The following WDFY2 variants were observed in gnomAD, a reference collection of about 807,000 sequenced individuals.
The protein encoded by WDFY2 is WD repeat and FYVE domain-containing protein 2.
In WDFY2, 36 loss-of-function variants were observed where a neutral mutation model predicts 56.4. That is an observed-to-expected ratio of 0.64 (90% confidence interval 0.49 to 0.84). WDFY2 has a LOEUF of 0.84. WDFY2 is among the 40% of genes least tolerant of loss of function. WDFY2 has a pLI of 0.00. For synonymous variants in WDFY2, 176 were observed against 183.7 expected (o/e 0.96, Z 0.34); for missense variants, 444 against 512.2 (o/e 0.87, Z 1.29).
At chr13:51,598,157 C>T (rs934890733) in intron 1 of WDFY2, among the ~76,000 whole-genome samples, 9 of 152,006 alleles carry the variant, frequency 5.9e-5, no homozygotes, top group South Asian at 2.1e-4. Flanking sequence ...TTCAGGAGTT[C>T]GAGACCAGCC....
chr13:51,727,226 T>G (rs1952622884), intron 5 of WDFY2, among the ~76,000 whole-genome samples: 1 of 152,332 alleles, frequency 6.6e-6, no homozygotes, highest in South Asian at 2.1e-4. Flanking sequence ...TTCTCGACTT[T>G]GTATTCTGTT....
chr13:51,686,123 A>C (rs572009534), intron 3 of WDFY2, among the ~76,000 whole-genome samples: 1 of 152,302 alleles, frequency 6.6e-6, no homozygotes, highest in African/African-American at 2.4e-5. Flanking sequence ...TTCATATAGC[A>C]AGGACAGATG....
intron 1 of WDFY2, among the ~76,000 whole-genome samples, chr13:51,644,821 A>T (rs1380872798): frequency 6.6e-6 from 1 of 152,208 alleles, no homozygotes; most frequent in Non-Finnish European, 1.5e-5. Flanking sequence ...CAGAGGCTGG[A>T]CAATACTGGA....
At chr13:51,620,596 A>T (rs1954706700) in intron 1 of WDFY2, among the ~76,000 whole-genome samples, 1 of 151,610 alleles carries the variant, frequency 6.6e-6, no homozygotes, top group Non-Finnish European at 1.5e-5. Flanking sequence ...GCACCTGCTC[A>T]CTCCCATCCA....
At chr13:51,680,943 G>A (rs960448832) in intron 3 of WDFY2, among the ~76,000 whole-genome samples, 3 of 152,152 alleles carry the variant, frequency 2.0e-5, no homozygotes, top group African/African-American at 7.2e-5. Flanking sequence ...AATTAGGAAG[G>A]AGCTTGTGTT....
intron 1 of WDFY2, among the ~76,000 whole-genome samples, chr13:51,628,723 G>A (rs1369786055): frequency 6.6e-6 from 1 of 152,230 alleles, no homozygotes; most frequent in Non-Finnish European, 1.5e-5. Flanking sequence ...CATCACAGAT[G>A]CCAGTTAGTT....
intron 1 of WDFY2, among the ~76,000 whole-genome samples, chr13:51,630,462 C>CT (rs1954930544): frequency 2.0e-5 from 3 of 148,146 alleles, no homozygotes; most frequent in African/African-American, 4.9e-5. Flanking sequence ...AGTTCCCTTT[C>CT]TTTCTTTTTT....
At chr13:51,758,470 G>T (rs1366289775) in intron 11 of WDFY2, among the ~76,000 whole-genome samples, 170 bp downstream of exon 11, 1 of 151,018 alleles carries the variant, frequency 6.6e-6, no homozygotes, top group Non-Finnish European at 1.5e-5. Context: ...AGGATTGCTT[G>T]AGTCCAGGAG....
intron 3 of WDFY2, among the ~76,000 whole-genome samples, chr13:51,690,317 G>T (rs1956131298): frequency 6.7e-6 from 1 of 150,288 alleles, no homozygotes; most frequent in Non-Finnish European, 1.5e-5. Flanking sequence ...CTAGCATTGG[G>T]TATATCTCCC....
At chr13:51,733,961 G>C (rs1952779347) in intron 6 of WDFY2, among the ~76,000 whole-genome samples, 1 of 152,196 alleles carries the variant, frequency 6.6e-6, no homozygotes, top group Admixed American at 6.5e-5. Flanking sequence ...TCTAGAGATG[G>C]AGGGCCTTTA....
intron 1 of WDFY2, among the ~76,000 whole-genome samples, chr13:51,624,469 A>ATGTGC (rs1300091735): frequency 1.3e-5 from 2 of 152,198 alleles, no homozygotes; most frequent in African/African-American, 4.8e-5. Context: ...CCATGTGTTC[A>ATGTGC]ACAACTGTTA....
At chr13:51,729,628 T>C (rs1342556171) in intron 6 of WDFY2, among the ~76,000 whole-genome samples, 1 of 152,008 alleles carries the variant, frequency 6.6e-6, no homozygotes, top group Non-Finnish European at 1.5e-5. Flanking sequence ...CCCAGTCTAT[T>C]TGCAGGGTCT....
intron 3 of WDFY2, among the ~76,000 whole-genome samples, chr13:51,684,398 C>G (rs572537252): frequency 2.1e-4 from 32 of 151,070 alleles, no homozygotes; most frequent in Admixed American, 8.6e-4. Context: ...TTTAGTAAAC[C>G]CTGAGTTACC....
chr13:51,606,101 C>G (rs1414332883), intron 1 of WDFY2, among the ~76,000 whole-genome samples: 2 of 152,196 alleles, frequency 1.3e-5, no homozygotes, highest in African/African-American at 4.8e-5. Flanking sequence ...TGGGACTTCT[C>G]TCAGAGAAAT....
In WDFY2 at chr13:51,760,394, G is replaced by A. The variant is rs918201295; in HGVS notation, c.*625G>A. 1.3e-5 allele frequency: 2 copies of A among 151,944 alleles called. No homozygotes were observed. The highest frequency in any genetic ancestry group is 6.6e-5 in the Admixed American group (1 of 15,240). The allele number at this position is 151,944 out of a possible 1,614,324, so 9.4% of individuals were successfully genotyped here. On this transcript the variant is annotated 3_prime_UTR_variant, in exon 12 of 12. Coordinates refer to ENST00000298125, the MANE Select transcript of WDFY2 (RefSeq NM_052950.4). ...TGTTTGTAATGTCTGCCTCATTCAC[G>A]TTCTTATGAAGTAGAAAAGACTGTG...
At chr13:51,671,299 C>G (rs1166562026) in intron 2 of WDFY2, among the ~76,000 whole-genome samples, 1 of 152,162 alleles carries the variant, frequency 6.6e-6, no homozygotes, top group East Asian at 1.9e-4. Context: ...ACACTGTTTT[C>G]CATAGTGGTT....
chr13:51,602,516 A>G (rs1045292451), intron 1 of WDFY2, among the ~76,000 whole-genome samples: 4 of 152,180 alleles, frequency 2.6e-5, no homozygotes, highest in African/African-American at 9.7e-5. Context: ...TCACATAACA[A>G]AACATGTGGA....
At chr13:51,648,111 T>A (rs1955294832) in intron 1 of WDFY2, among the ~76,000 whole-genome samples, 1 of 152,164 alleles carries the variant, frequency 6.6e-6, no homozygotes, top group South Asian at 2.1e-4. Flanking sequence ...AGGTTGTAAC[T>A]GAGGCAGGCA....
chr13:51,648,896 C>T (rs1006282931), intron 1 of WDFY2, among the ~76,000 whole-genome samples: 21 of 152,178 alleles, frequency 1.4e-4, no homozygotes, highest in African/African-American at 5.1e-4. Flanking sequence ...CCTGTAATCT[C>T]AGCACTTTGG....
Sources: allele counts gnomAD v4.1 joint callset (sites outside exome capture counted in the v4.1 genomes callset), GRCh38; gene constraint gnomAD v4.1.1; transcripts MANE v1.5; gene names NCBI Gene and HGNC (gene_info 2026-07-23, HGNC 2026-07-21).